The following NCKAP5 variants were observed in gnomAD, a reference collection of about 807,000 sequenced individuals.
NCKAP5 encodes NCK associated protein 5, also known as nck-associated protein 5.
Under a neutral mutation model 167.0 loss-of-function variants are expected in NCKAP5, and 92 were observed. The ratio of observed to expected loss-of-function variants is 0.55; its 90% CI spans 0.47 to 0.66. The LOEUF (loss-of-function observed/expected upper bound fraction) is 0.66. NCKAP5 is among the 30% of genes least tolerant of loss of function. NCKAP5 has a pLI of 0.00. For synonymous variants in NCKAP5, 891 were observed against 877.4 expected (o/e 1.02, Z -0.27); for missense variants, 2,378 against 2,315.0 (o/e 1.03, Z -0.56).
At chr2:133,591,627 C>CACAAA in the NCKAP5 span, among the ~76,000 whole-genome samples, 15 of 152,260 alleles carry the variant, frequency 9.9e-5, no homozygotes, top group South Asian at 4.1e-4. Context: ...GCTTGGGCGG[C>CACAAA]ACAAAACAAA....
At chr2:132,847,243 A>G (rs1388662607) in intron 11 of NCKAP5, among the ~76,000 whole-genome samples, 1 of 152,208 alleles carries the variant, frequency 6.6e-6, no homozygotes, top group Non-Finnish European at 1.5e-5. Flanking sequence ...ATAAAGGAAT[A>G]ATATAATTAA....
At chr2:133,132,909 C>T (rs903184698) in intron 5 of NCKAP5, among the ~76,000 whole-genome samples, 1 of 152,094 alleles carries the variant, frequency 6.6e-6, no homozygotes, top group South Asian at 2.1e-4. Context: ...ATCTCCTGAC[C>T]TTGTGATCTG....
intron 3 of NCKAP5, among the ~76,000 whole-genome samples, chr2:133,374,374 A>C (rs1686000249): frequency 6.6e-6 from 1 of 152,246 alleles, no homozygotes; most frequent in Non-Finnish European, 1.5e-5. Flanking sequence ...GAGGATTTTT[A>C]GAGCAGTGAA....
chr2:133,124,007 G>A (rs919818212), intron 6 of NCKAP5, among the ~76,000 whole-genome samples: 1 of 152,182 alleles, frequency 6.6e-6, no homozygotes, highest in Admixed American at 6.5e-5. Context: ...GAATGAACGA[G>A]TTAAGCGGTA....
At chr2:133,257,977 A>C (rs2150359991) in intron 4 of NCKAP5, among the ~76,000 whole-genome samples, 1 of 152,268 alleles carries the variant, frequency 6.6e-6, no homozygotes, top group South Asian at 2.1e-4. Flanking sequence ...ATACTCCCTC[A>C]GCCTACATAA....
chr2:133,035,174 CT>C (rs1347869066), intron 6 of NCKAP5, among the ~76,000 whole-genome samples: 4 of 151,914 alleles, frequency 2.6e-5, no homozygotes, highest in African/African-American at 4.8e-5. Flanking sequence ...AAAAAAGTCA[CT>C]GTATATGATA....
intron 3 of NCKAP5, among the ~76,000 whole-genome samples, chr2:133,337,463 G>A (rs1454294916): frequency 2.0e-5 from 3 of 152,136 alleles, no homozygotes; most frequent in Admixed American, 6.5e-5. Context: ...CATTATTATG[G>A]GGTAAAGTTC....
chr2:133,618,850 G>A, the NCKAP5 span, among the ~76,000 whole-genome samples: 11 of 135,784 alleles, frequency 8.1e-5, no homozygotes, highest in Non-Finnish European at 1.4e-4. Flanking sequence ...AAAGACACAT[G>A]CACACGTATG....
rs117129455 is a variant in NCKAP5 at position 133,019,876 on chromosome 2, T to C, written c.342-25637A>G. The stretch of plus-strand genomic sequence containing the variant: ...TATCCTCTGGTTTACCCTTCCTTAG[T>C]GAAATCTGACAAGGCCTGTGTGGGT... On this transcript the variant is annotated intron_variant, in intron 6 of 19. Coordinates refer to ENST00000409261, the MANE Select transcript of NCKAP5 (RefSeq NM_207363.3). Among the ~76,000 whole-genome samples, 7 of 152,326 alleles carry C rather than the reference T, an allele frequency of 4.6e-5. No homozygotes were observed. The East Asian group carries it at 1.4e-3, about 29-fold the overall frequency.
chr2:133,597,085 G>C, the NCKAP5 span, among the ~76,000 whole-genome samples: 13 of 152,184 alleles, frequency 8.5e-5, no homozygotes, highest in Admixed American at 3.9e-4. Flanking sequence ...CAAATTGCCA[G>C]TGGCATACTT....
chr2:133,263,693 T>C (rs2089032756), intron 4 of NCKAP5, among the ~76,000 whole-genome samples: 1 of 152,186 alleles, frequency 6.6e-6, no homozygotes, highest in Non-Finnish European at 1.5e-5. Context: ...AAAGGCCTTC[T>C]GTACATCCTC....
chr2:132,725,079 C>T (rs1444730281), intron 19 of NCKAP5, among the ~76,000 whole-genome samples: 1 of 152,182 alleles, frequency 6.6e-6, no homozygotes, highest in Non-Finnish European at 1.5e-5. Context: ...TGTCTGTTCT[C>T]TTGTATCTGA....
chr2:133,648,764 G>A, the NCKAP5 span, among the ~76,000 whole-genome samples: 6 of 151,130 alleles, frequency 4.0e-5, no homozygotes, highest in South Asian at 1.3e-3. Flanking sequence ...TAAAAGGGAA[G>A]CTAATAATGC....
At position 133,374,810 on chromosome 2, in the gene NCKAP5, C is replaced by T. The variant is rs543646594; in HGVS notation, c.70-71700G>A. The stretch of plus-strand genomic sequence containing the variant: ...TGCTGTTGGTCTTCAGAGAAAGGAG[C>T]GGCATCTTCAAAGTATAGTAAAAGC... On this transcript the variant is annotated intron_variant, in intron 3 of 19. Coordinates refer to ENST00000409261, the MANE Select transcript of NCKAP5 (RefSeq NM_207363.3). Among the ~76,000 whole-genome samples, 8 of 152,264 alleles carry T rather than the reference C, an allele frequency of 5.3e-5. No individual in the cohort carries two copies. In the South Asian group the frequency reaches 1.2e-3, roughly 24 times the overall value.
At chr2:132,831,913 T>C (rs1687547543) in intron 11 of NCKAP5, among the ~76,000 whole-genome samples, 1 of 152,086 alleles carries the variant, frequency 6.6e-6, no homozygotes, top group Non-Finnish European at 1.5e-5. Context: ...TTTTTAGAAA[T>C]ACATTGATGA....
At chr2:132,987,188 GTCT>G (rs1446842444) in intron 7 of NCKAP5, among the ~76,000 whole-genome samples, 2 of 152,194 alleles carry the variant, frequency 1.3e-5, no homozygotes, top group Non-Finnish European at 2.9e-5. Flanking sequence ...GGCTCTGGGT[GTCT>G]TCTTTGTCTT....
chr2:132,803,199 C>A (rs1439859112), intron 11 of NCKAP5, among the ~76,000 whole-genome samples: 1 of 152,152 alleles, frequency 6.6e-6, no homozygotes, highest in Non-Finnish European at 1.5e-5. Context: ...CTCCTAGAGA[C>A]CCTTTAAAAA....
chr2:132,972,053 A>C (rs1397441308), intron 7 of NCKAP5, among the ~76,000 whole-genome samples: 2 of 152,212 alleles, frequency 1.3e-5, no homozygotes, highest in Non-Finnish European at 2.9e-5. Flanking sequence ...AAATGAACAG[A>C]TAATTAATCA....
chr2:132,767,199 A>G (rs911032859), intron 16 of NCKAP5, among the ~76,000 whole-genome samples: 1 of 152,106 alleles, frequency 6.6e-6, no homozygotes, highest in African/African-American at 2.4e-5. Context: ...AACCAGTACC[A>G]AGTGTCCCAA....
Sources: allele counts gnomAD v4.1 joint callset (sites outside exome capture counted in the v4.1 genomes callset), GRCh38; gene constraint gnomAD v4.1.1; transcripts MANE v1.5; gene names NCBI Gene and HGNC (gene_info 2026-07-23, HGNC 2026-07-21).